Variants in TRERF1 observed in about 807,000 individuals in gnomAD.
TRERF1 encodes transcriptional regulating factor 1, also known as transcriptional-regulating factor 1.
TRERF1 carries 27 observed loss-of-function variants against 122.9 expected under a neutral mutation model. The ratio of observed to expected loss-of-function variants is 0.22; its 90% CI spans 0.16 to 0.30. The LOEUF is 0.30. Ranked by LOEUF, TRERF1 falls within the 10% of genes least tolerant of loss-of-function variation. The pLI, the probability that TRERF1 is intolerant of heterozygous loss-of-function variation, is 1.00. For synonymous variants in TRERF1, 636 were observed against 641.7 expected, an observed-to-expected ratio of 0.99 and a Z score of 0.13; for missense variants, 1,248 against 1,560.3, an observed-to-expected ratio of 0.80 and a Z score of 3.37.
chr6:42,410,123 C>G (rs576195842), intron 2 of TRERF1, among the ~76,000 whole-genome samples: 1 of 152,016 alleles, frequency 6.6e-6, no homozygotes, highest in Admixed American at 6.6e-5. Flanking sequence ...ATTCCTGAGA[C>G]GAGCCTTGCT....
intron 3 of TRERF1, among the ~76,000 whole-genome samples, chr6:42,360,691 C>T (rs1379753590): frequency 6.6e-6 from 1 of 150,904 alleles, no homozygotes; most frequent in Admixed American, 6.6e-5. Flanking sequence ...CCAGCCTCCC[C>T]ACAGCCTGGT....
chr6:42,265,930 C>T (rs1779080204), intron 5 of TRERF1, 133 bp from the exon 6 acceptor site: 2 of 878,036 alleles, frequency 2.3e-6, no homozygotes, highest in South Asian at 1.5e-5. Context: ...GTGCTGACCC[C>T]ATTCATGTCC....
intron 5 of TRERF1, among the ~76,000 whole-genome samples, chr6:42,266,710 A>C (rs1329294584): frequency 6.6e-6 from 1 of 152,218 alleles, no homozygotes; most frequent in South Asian, 2.1e-4. Flanking sequence ...CCTTGGAATA[A>C]GCCAAGGCAT....
chr6:42,450,463 G>A (rs953373306), intron 2 of TRERF1, among the ~76,000 whole-genome samples: 7 of 152,202 alleles, frequency 4.6e-5, no homozygotes, highest in African/African-American at 1.7e-4. Context: ...CCAAAGCTGC[G>A]TCTAGTCTGG....
intron 13 of TRERF1, among the ~76,000 whole-genome samples, chr6:42,247,915 AC>A (rs1775087565): frequency 6.6e-6 from 1 of 152,082 alleles, no homozygotes; most frequent in African/African-American, 2.4e-5. Flanking sequence ...AGTGGGGTAC[AC>A]TAGTACCCTA....
chr6:42,346,260 C>T (rs1366258708), intron 3 of TRERF1, among the ~76,000 whole-genome samples: 1 of 152,230 alleles, frequency 6.6e-6, no homozygotes, highest in Non-Finnish European at 1.5e-5. Flanking sequence ...CTACCGATTC[C>T]CCTGCCCCTG....
At chr6:42,266,376 G>A (rs1362849888) in intron 5 of TRERF1, among the ~76,000 whole-genome samples, 2 of 151,926 alleles carry the variant, frequency 1.3e-5, no homozygotes, top group Non-Finnish European at 2.9e-5. Flanking sequence ...TTTTGTAGAG[G>A]CAAGGTCTCG....
At chr6:42,327,404 A>T (rs1281831552) in intron 3 of TRERF1, among the ~76,000 whole-genome samples, 2 of 152,200 alleles carry the variant, frequency 1.3e-5, no homozygotes, top group African/African-American at 4.8e-5. Flanking sequence ...GAGAGGAGTC[A>T]TTGACCCAAT....
At chr6:42,233,512 C>T (rs552873855) in intron 16 of TRERF1, among the ~76,000 whole-genome samples, 150 of 152,230 alleles carry the variant, frequency 9.9e-4, no homozygotes, top group Non-Finnish European at 1.8e-3. Context: ...GTCTCGATCT[C>T]CTGACCTTGT....
At chr6:42,366,048 C>T (rs747102050) in intron 2 of TRERF1, among the ~76,000 whole-genome samples, 1 of 152,188 alleles carries the variant, frequency 6.6e-6, no homozygotes, top group Non-Finnish European at 1.5e-5. Flanking sequence ...CCATGCACCC[C>T]GTCAAGGTCC....
intron 2 of TRERF1, among the ~76,000 whole-genome samples, chr6:42,408,373 C>CTTTTT (rs34753779): frequency 1.6e-5 from 1 of 62,966 alleles, no homozygotes; most frequent in Non-Finnish European, 2.8e-5. Context: ...ATATATATAT[C>CTTTTT]TTTTTTTTTT....
At chr6:42,308,974 C>T (rs1787767541) in intron 3 of TRERF1, among the ~76,000 whole-genome samples, 2 of 152,122 alleles carry the variant, frequency 1.3e-5, no homozygotes, top group Non-Finnish European at 2.9e-5. Flanking sequence ...AAAAAAATGA[C>T]CGATGGTTAA....
chr6:42,418,138 A>G (rs138145173), intron 2 of TRERF1, among the ~76,000 whole-genome samples: 1 of 150,820 alleles, frequency 6.6e-6, no homozygotes, highest in Admixed American at 6.6e-5. Flanking sequence ...TTCTGATTAC[A>G]CAACTGTGGA....
chr6:42,303,100 A>ACTAGT (rs1487266440), intron 3 of TRERF1, among the ~76,000 whole-genome samples: 1 of 152,236 alleles, frequency 6.6e-6, no homozygotes, highest in Non-Finnish European at 1.5e-5. Flanking sequence ...AATGAAATTA[A>ACTAGT]CTAGTTCAAT....
At chr6:42,430,945 A>G (rs2151661869) in intron 2 of TRERF1, among the ~76,000 whole-genome samples, 1 of 150,698 alleles carries the variant, frequency 6.6e-6, no homozygotes, top group East Asian at 1.9e-4. Context: ...ACTGAATCCC[A>G]GCTACTCGGG....
exon 16 of TRERF1, chr6:42,236,320 G>A (rs768483955): frequency 2.9e-5 from 46 of 1,601,418 alleles, no homozygotes; most frequent in Admixed American, 1.4e-4. Flanking sequence ...CGGGGACTTC[G>A]GCACCTCACT....
At chr6:42,425,161 A>G (rs545674873) in intron 2 of TRERF1, among the ~76,000 whole-genome samples, 42 of 152,284 alleles carry the variant, frequency 2.8e-4, no homozygotes, top group Admixed American at 2.0e-3. Flanking sequence ...TCCACTCTGG[A>G]ACTGGAGCGA....
chr6:42,291,712 G>A (rs1198829310), intron 4 of TRERF1, among the ~76,000 whole-genome samples: 1 of 147,882 alleles, frequency 6.8e-6, no homozygotes, highest in South Asian at 2.1e-4. Flanking sequence ...TTTTTTTTTT[G>A]TGTGTGTATT....
chr6:42,259,644 C>T lies in TRERF1; in HGVS notation c.1964G>A (p.Arg655Gln), dbSNP rs1582626793. Residue 655 changes from arginine (R) to glutamine (Q), a missense_variant, in exon 9 of 18, where the codon CGG (arginine) becomes CAG (glutamine). Arg to Gln is a conservative substitution (Grantham distance 43). Transcript: ENST00000372922. The surrounding 1 kb of genome is among the most constrained non-coding windows in gnomAD (Gnocchi z 4.9). ...GATGAAGAGAGGTTCCGGCCGGTGC[C>T]GGAACTTTTTCTTCTCCTGCACGGT... 6.2e-7 allele frequency: 1 copy of T among 1,612,742 alleles called. No homozygotes were observed. The highest frequency in any genetic ancestry group is 8.5e-7 in the Non-Finnish European group (1 of 1,179,972).
Sources: allele counts gnomAD v4.1 joint callset (sites outside exome capture counted in the v4.1 genomes callset), GRCh38; gene constraint gnomAD v4.1.1; non-coding constraint Gnocchi (gnomAD v3.1); transcripts MANE v1.5; gene names NCBI Gene and HGNC (gene_info 2026-07-23, HGNC 2026-07-21).